Variants in PTPRT observed in about 807,000 individuals in gnomAD.
PTPRT encodes receptor-type tyrosine-protein phosphatase T.
In PTPRT, 56 loss-of-function variants were observed where a neutral mutation model predicts 176.8. That is an observed-to-expected ratio of 0.32 (90% CI 0.26 to 0.40). The LOEUF (loss-of-function observed/expected upper bound fraction) is 0.40. Among genes scored for constraint, PTPRT ranks in the 10% least tolerant of loss-of-function variants. The pLI is 1.00. For synonymous variants in PTPRT, 783 were observed against 739.0 expected (o/e 1.06, Z -0.96); for missense variants, 1,540 against 1,908.2 (o/e 0.81, Z 3.60).
chr20:42,292,264 A>G (rs1191047457), intron 12 of PTPRT, among the ~76,000 whole-genome samples: 1 of 151,070 alleles, frequency 6.6e-6, no homozygotes, highest in Non-Finnish European at 1.5e-5. Flanking sequence ...AATGGGACTC[A>G]CTCACTTAAC....
intron 7 of PTPRT, among the ~76,000 whole-genome samples, chr20:42,592,354 G>C (rs1366204314): frequency 6.6e-6 from 1 of 152,148 alleles, no homozygotes; most frequent in African/African-American, 2.4e-5. Context: ...GTGCTTCTCT[G>C]TCTGGAGGAG....
intron 2 of PTPRT, among the ~76,000 whole-genome samples, chr20:42,822,313 A>G (rs1197465820): frequency 6.6e-6 from 1 of 152,224 alleles, no homozygotes. Context: ...AGGACATCCT[A>G]TTAAGTAAAT....
At chr20:42,600,641 G>T (rs930801057) in intron 7 of PTPRT, among the ~76,000 whole-genome samples, 1 of 152,008 alleles carries the variant, frequency 6.6e-6, no homozygotes, top group Non-Finnish European at 1.5e-5. Flanking sequence ...GGTTTCCAAT[G>T]TCTCTTATTC....
At chr20:43,183,102 T>G (rs938222862) in intron 1 of PTPRT, among the ~76,000 whole-genome samples, 2 of 152,224 alleles carry the variant, frequency 1.3e-5, no homozygotes, top group Non-Finnish European at 2.9e-5. Flanking sequence ...GCTACCTAAT[T>G]GCTCAGATCC....
At chr20:42,234,742 A>C (rs2056206020) in intron 15 of PTPRT, among the ~76,000 whole-genome samples, 1 of 152,206 alleles carries the variant, frequency 6.6e-6, no homozygotes, top group Admixed American at 6.5e-5. Flanking sequence ...GCATGTTCAA[A>C]GCATGTTTGT....
chr20:42,972,612 G>C (rs1982712581), intron 1 of PTPRT, among the ~76,000 whole-genome samples: 1 of 134,786 alleles, frequency 7.4e-6, no homozygotes, highest in Non-Finnish European at 1.5e-5. Flanking sequence ...GCAGTGAGTT[G>C]AGATCACGGA....
rs1407484241 is a variant in PTPRT at position 42,282,524 on chromosome 20, T to C, written c.2141A>G (p.Glu714Gly). 1.2e-6 allele frequency: 2 copies of C among 1,608,220 alleles called. No individual in the cohort carries two copies. The highest frequency in any genetic ancestry group is 8.5e-7 in the Non-Finnish European group (1 of 1,176,914). The change falls in exon 13 of 31, where the codon GAG (glutamate) becomes GGG (glycine). Residue 714 changes from glutamate (E) to glycine (G), a missense_variant and splice_region_variant. This residue lies in a region of PTPRT where 255 missense variants were observed against 250.1 expected (regional missense o/e 1.02). Transcript: ENST00000373187. Reference protein sequence around the residue: ...YFQALSKANGETKINCVRLAT... With the variant: ...YFQALSKANGGTKINCVRLAT... Reference sequence around the variant, plus strand: ...CAGACGAACACAGTTGATTTTGGTCTCCTGTGAACAACAAAAATGAGATGC... The same window carrying C: ...CAGACGAACACAGTTGATTTTGGTCCCCTGTGAACAACAAAAATGAGATGC...
intron 7 of PTPRT, among the ~76,000 whole-genome samples, chr20:42,541,210 C>A (rs1296989587): frequency 6.6e-6 from 1 of 151,980 alleles, no homozygotes; most frequent in Non-Finnish European, 1.5e-5. Context: ...ATAAAAACAC[C>A]AACAAGATAA....
intron 6 of PTPRT, among the ~76,000 whole-genome samples, chr20:42,730,901 G>A (rs1263618117): frequency 6.6e-6 from 1 of 152,186 alleles, no homozygotes; most frequent in African/African-American, 2.4e-5. Flanking sequence ...TCATGAGTCA[G>A]CTTCTCCCTC....
intron 7 of PTPRT, among the ~76,000 whole-genome samples, chr20:42,603,583 G>T (rs146374837): frequency 1.3e-5 from 2 of 152,288 alleles, no homozygotes; most frequent in South Asian, 4.1e-4. Flanking sequence ...GGATTTCATT[G>T]TAAGTGCAAT....
chr20:42,918,545 G>A (rs60569459), intron 1 of PTPRT, among the ~76,000 whole-genome samples: 5,989 of 152,056 alleles, frequency 0.039, 176 homozygotes, highest in African/African-American at 0.086. Context: ...TTGGTTCATC[G>A]ATCAAGCCAC....
chr20:42,374,639 A>T (rs1299121739), intron 9 of PTPRT, among the ~76,000 whole-genome samples: 2 of 152,212 alleles, frequency 1.3e-5, no homozygotes, highest in Non-Finnish European at 2.9e-5. Flanking sequence ...TGAACAGGAA[A>T]TTCACCAAGA....
At chr20:42,704,152 A>T (rs2076016155) in intron 6 of PTPRT, among the ~76,000 whole-genome samples, 2 of 152,080 alleles carry the variant, frequency 1.3e-5, no homozygotes, top group Non-Finnish European at 2.9e-5. Flanking sequence ...TTATAGCTTT[A>T]ATCTTGCTCT....
rs73268849 is a variant in PTPRT at position 42,217,898 on chromosome 20, G to A, written c.2342+18331C>T. On this transcript the variant is annotated intron_variant, in intron 15 of 30. Transcript: ENST00000373187. ...TGCTTAGTATTTTAAACATAGCTCC[G>A]ATTTTCACAACACTAACAAGGTAGT... 3.3e-3 allele frequency among the ~76,000 whole-genome samples: 499 copies of A among 152,292 alleles called. 3 individuals carry two copies. Among genetic ancestry groups the A allele is most frequent in the African/African-American group, 0.011 (477 of 41,546 alleles).
At chr20:42,802,606 G>C (rs899675632) in intron 2 of PTPRT, among the ~76,000 whole-genome samples, 1 of 152,328 alleles carries the variant, frequency 6.6e-6, no homozygotes, top group East Asian at 1.9e-4. Context: ...AATCCTGACA[G>C]CTTATTTTTT....
intron 7 of PTPRT, among the ~76,000 whole-genome samples, chr20:42,634,063 TAATA>T (rs536170380): frequency 2.3e-5 from 1 of 43,806 alleles, no homozygotes; most frequent in African/African-American, 1.1e-4. Context: ...TATAAATATA[TAATA>T]TATATATAAT....
At chr20:42,244,950 G>A (rs1431922026) in intron 14 of PTPRT, among the ~76,000 whole-genome samples, 1 of 152,134 alleles carries the variant, frequency 6.6e-6, no homozygotes, top group Non-Finnish European at 1.5e-5. Flanking sequence ...TGGAGGAGTG[G>A]GGAGGATGTC....
intron 27 of PTPRT, among the ~76,000 whole-genome samples, chr20:42,096,471 C>T (rs1026454650): frequency 2.6e-5 from 4 of 152,102 alleles, no homozygotes; most frequent in Admixed American, 6.5e-5. Flanking sequence ...GGCATGTTGG[C>T]ACACGCCTGT....
At chr20:43,015,532 G>A (rs892755959) in intron 1 of PTPRT, among the ~76,000 whole-genome samples, 10 of 152,212 alleles carry the variant, frequency 6.6e-5, no homozygotes, top group Non-Finnish European at 1.5e-4. Flanking sequence ...TCCCAAAGGG[G>A]ACACTTGGGA....
Sources: gnomAD v4.1 joint callset for allele counts (sites outside exome capture counted in the v4.1 genomes callset) on GRCh38, gnomAD v4.1.1 for gene constraint, gnomAD v4.1.1 regional missense constraint, MANE v1.5 for transcripts, NCBI Gene and HGNC (gene_info 2026-07-23, HGNC 2026-07-21) for gene names.